The following SLIT3 variants were observed in gnomAD, a reference collection of about 807,000 sequenced individuals.
SLIT3 encodes slit guidance ligand 3.
In SLIT3, 68 loss-of-function variants were observed where a neutral mutation model predicts 184.0. The observed-to-expected ratio is 0.37, with a 90% CI of 0.30 to 0.45. The LOEUF is 0.45. Ranked by LOEUF, SLIT3 falls within the 20% of genes least tolerant of loss-of-function variation. The pLI is 1.00. For synonymous variants in SLIT3, 831 were observed against 828.6 expected (o/e 1.00, Z -0.05); for missense variants, 1,707 against 2,026.0 (o/e 0.84, Z 3.02).
chr5:168,877,204 G>A (rs1226171574), intron 5 of SLIT3, among the ~76,000 whole-genome samples: 1 of 152,184 alleles, frequency 6.6e-6, no homozygotes, highest in Non-Finnish European at 1.5e-5. Context: ...TAAGTGCTCT[G>A]AAGAAATATG....
At chr5:168,795,642 C>T in intron 9 of SLIT3, 64 bp from the exon 10 acceptor site, 1 of 1,285,186 alleles carries the variant, frequency 7.8e-7, no homozygotes, top group Non-Finnish European at 1.1e-6. Flanking sequence ...TCACTGAGGG[C>T]TACTGTGTTC....
At chr5:169,004,337 C>T (rs527878956) in intron 4 of SLIT3, among the ~76,000 whole-genome samples, 6 of 152,312 alleles carry the variant, frequency 3.9e-5, no homozygotes, top group African/African-American at 1.2e-4. Context: ...GACATCTTCC[C>T]CCAGCTGGGC....
At chr5:168,760,363 G>A (rs1463735851) in intron 16 of SLIT3, among the ~76,000 whole-genome samples, 1 of 152,212 alleles carries the variant, frequency 6.6e-6, no homozygotes, top group Non-Finnish European at 1.5e-5. Context: ...CCAAGGCATG[G>A]TCAGACCCAC....
chr5:169,129,531 AAT>A (rs1435778754), intron 4 of SLIT3, among the ~76,000 whole-genome samples: 1 of 152,144 alleles, frequency 6.6e-6, no homozygotes, highest in African/African-American at 2.4e-5. Flanking sequence ...CAGCCTGGGC[AAT>A]AGAGCGAGAC....
At chr5:168,782,503 G>A (rs1475406832) in intron 12 of SLIT3, among the ~76,000 whole-genome samples, 1 of 152,172 alleles carries the variant, frequency 6.6e-6, no homozygotes, top group Non-Finnish European at 1.5e-5. Flanking sequence ...TGCCCATAGA[G>A]GATCACCATC....
intron 29 of SLIT3, among the ~76,000 whole-genome samples, chr5:168,691,804 C>G (rs1015716610): frequency 1.1e-4 from 16 of 152,306 alleles, no homozygotes; most frequent in Middle Eastern, 3.4e-3. Context: ...TTTTTGGCCA[C>G]AGAGTTCTGG....
At chr5:168,749,668 C>T (rs541850305) in intron 18 of SLIT3, 33 bp from the exon 19 acceptor site, 4 of 1,612,622 alleles carry the variant, frequency 2.5e-6, no homozygotes, top group East Asian at 2.2e-5. Flanking sequence ...AGCCTCCATC[C>T]TTCTACTGTG....
intron 3 of SLIT3, among the ~76,000 whole-genome samples, chr5:169,197,471 C>T (rs1763775266): frequency 6.6e-6 from 1 of 152,140 alleles, no homozygotes; most frequent in Non-Finnish European, 1.5e-5. Context: ...AGCCCCTCAA[C>T]AGGAAAATGA....
At chr5:168,797,059 G>C (rs371902618) in intron 9 of SLIT3, among the ~76,000 whole-genome samples, 1 of 151,986 alleles carries the variant, frequency 6.6e-6, no homozygotes, top group African/African-American at 2.4e-5. Context: ...CTGCTGGAGG[G>C]GGGCGGGGAG....
chr5:169,208,170 A>G (rs1294793485), intron 3 of SLIT3, among the ~76,000 whole-genome samples: 1 of 152,226 alleles, frequency 6.6e-6, no homozygotes, highest in African/African-American at 2.4e-5. Context: ...TAAATTAAGA[A>G]ATTCATATTC....
At chr5:169,112,045 T>C (rs968608239) in intron 4 of SLIT3, among the ~76,000 whole-genome samples, 1 of 152,210 alleles carries the variant, frequency 6.6e-6, no homozygotes, top group Non-Finnish European at 1.5e-5. Context: ...GTTTGAAAGA[T>C]GGTTTCAAAT....
chr5:168,927,748 C>G (rs550101814), intron 4 of SLIT3, among the ~76,000 whole-genome samples: 9 of 152,254 alleles, frequency 5.9e-5, no homozygotes, highest in Non-Finnish European at 1.2e-4. Flanking sequence ...TCAAAACTCA[C>G]AATTACATCA....
Position 168,753,981 on chromosome 5 carries a change from T to C in SLIT3, c.1712A>G (p.Glu571Gly). Residue 571 changes from glutamate to glycine, a missense_variant, in exon 17 of 36, where the codon GAG (glutamate) becomes GGG (glycine). Transcript: ENST00000519560. ...KINLSNNKIK[E>G]VREGAFDGAA... ...TCCATCGAAAGCTCCCTCTCGCACC[T>C]CCTTGATCTTATTGTTACTCAGATT... 1 of 1,601,596 alleles carries C rather than the reference T, an allele frequency of 6.2e-7. No homozygotes were observed. The highest frequency in any genetic ancestry group is 8.5e-7 in the Non-Finnish European group (1 of 1,176,348).
At chr5:168,671,629 A>T in intron 33 of SLIT3, 146 bp from the exon 34 acceptor site, 1 of 844,760 alleles carries the variant, frequency 1.2e-6, no homozygotes, top group Non-Finnish European at 1.8e-6. Flanking sequence ...AAAACCTCGG[A>T]CCTCCTCCAT....
chr5:169,199,098 A>C (rs1763834970), intron 3 of SLIT3, among the ~76,000 whole-genome samples: 2 of 152,136 alleles, frequency 1.3e-5, no homozygotes, highest in South Asian at 4.1e-4. Flanking sequence ...AATCGGAAGC[A>C]GGAAAACCAG....
intron 1 of SLIT3, among the ~76,000 whole-genome samples, chr5:169,287,779 G>A (rs969621302): frequency 5.3e-5 from 8 of 152,134 alleles, no homozygotes; most frequent in East Asian, 1.9e-4. Context: ...TTCTCAGGGC[G>A]GTTGCAAGCC....
intron 3 of SLIT3, among the ~76,000 whole-genome samples, chr5:169,210,632 G>A (rs1443772987): frequency 6.6e-6 from 1 of 152,152 alleles, no homozygotes; most frequent in African/African-American, 2.4e-5. Flanking sequence ...TGGGTGGTGG[G>A]GGTGAAACTG....
At chr5:168,820,092 A>G (rs990414157) in intron 7 of SLIT3, among the ~76,000 whole-genome samples, 2 of 152,240 alleles carry the variant, frequency 1.3e-5, no homozygotes, top group East Asian at 3.8e-4. Flanking sequence ...AAGAAAAATA[A>G]TCATAATGGC....
intron 4 of SLIT3, among the ~76,000 whole-genome samples, chr5:168,985,199 C>T (rs1195907177): frequency 6.6e-6 from 1 of 152,190 alleles, no homozygotes; most frequent in African/African-American, 2.4e-5. Flanking sequence ...GGGAATTAAA[C>T]TGAACCTAAA....
Sources: allele counts gnomAD v4.1 joint callset (sites outside exome capture counted in the v4.1 genomes callset), GRCh38; gene constraint gnomAD v4.1.1; transcripts MANE v1.5; gene names NCBI Gene and HGNC (gene_info 2026-07-23, HGNC 2026-07-21).